Variants in TRIM23 observed in about 807,000 individuals in gnomAD.
TRIM23 encodes the protein E3 ubiquitin-protein ligase TRIM23.
In TRIM23, 27 loss-of-function variants were observed where a neutral mutation model predicts 71.0. The observed-to-expected ratio is 0.38, with a 90% confidence interval of 0.28 to 0.52. The LOEUF (loss-of-function observed/expected upper bound fraction) is 0.52. Among genes scored for constraint, TRIM23 ranks in the 20% least tolerant of loss-of-function variants. The probability of loss-of-function intolerance (pLI) is 0.84; values close to 1 mark genes in which losing one functional copy is unlikely to be tolerated. For missense variants in TRIM23, 482 were observed against 692.3 expected, an observed-to-expected ratio of 0.70 and a Z score of 3.41; for synonymous variants, 234 against 238.0, an observed-to-expected ratio of 0.98 and a Z score of 0.16.
intron 3 of TRIM23, among the ~76,000 whole-genome samples, chr5:65,613,443 A>G (rs1754702373): frequency 6.6e-6 from 1 of 152,208 alleles, no homozygotes; most frequent in African/African-American, 2.4e-5. Flanking sequence ...TCATTAACTG[A>G]TATTTACTCC....
intron 1 of TRIM23, among the ~76,000 whole-genome samples, chr5:65,621,638 G>C (rs1472953764): frequency 6.6e-6 from 1 of 151,832 alleles, no homozygotes; most frequent in African/African-American, 2.4e-5. Flanking sequence ...CATCAACTCG[G>C]TAAATAATAC....
Position 65,609,321 on chromosome 5 carries a change from C to T in TRIM23, c.966G>A (p.Arg322=). ...AAATAGTCATATCTTCTTGTTGCTG[C>T]CTGAGCCAAATCAATTTTTCACGAA... is the stretch of plus-strand genomic sequence containing the variant. ...AHVREKLIWL[R]QQQEDMTILL... Residue 322 remains arginine (R), a synonymous_variant, in exon 6 of 11, where the codon AGG becomes AGA. Coordinates refer to ENST00000231524, the MANE Select transcript of TRIM23 (RefSeq NM_001656.4). The T allele has an allele frequency of 1.9e-6, 3 of 1,614,150 alleles. No homozygotes were observed. Among genetic ancestry groups the T allele is most frequent in the Non-Finnish European group, 2.5e-6 (3 of 1,180,018 alleles).
chr5:65,614,459 G>A (rs550264022), intron 2 of TRIM23, among the ~76,000 whole-genome samples: 1 of 152,188 alleles, frequency 6.6e-6, no homozygotes, highest in East Asian at 1.9e-4. Context: ...TTTTGGCCAG[G>A]TGCTTTGGCC....
chr5:65,614,924 G>C (rs1754743202), intron 2 of TRIM23, among the ~76,000 whole-genome samples: 1 of 151,896 alleles, frequency 6.6e-6, no homozygotes, highest in South Asian at 2.1e-4. Context: ...TTGAGACAGA[G>C]TCTTGCTATG....
chr5:65,600,753 T>C (rs1463408693), intron 7 of TRIM23, among the ~76,000 whole-genome samples: 1 of 151,700 alleles, frequency 6.6e-6, no homozygotes, highest in Non-Finnish European at 1.5e-5. Context: ...ACAGATCTGA[T>C]AGGGAATTAA....
Position 65,624,053 on chromosome 5 carries a change from G to A in TRIM23, c.81+141C>T. On this transcript the variant is annotated intron_variant, in intron 1 of 10. Coordinates refer to ENST00000231524, the MANE Select transcript of TRIM23 (RefSeq NM_001656.4). ...AGGAGAGAAAGGATGCAGAGGACAGGACGAGACTTGTAATGCCAAAAGGGG... is the reference window on the plus strand; with the variant it reads ...AGGAGAGAAAGGATGCAGAGGACAGAACGAGACTTGTAATGCCAAAAGGGG... 4.6e-6 allele frequency: 4 copies of A among 879,036 alleles called. No homozygotes were observed. In the Middle Eastern group the frequency reaches 7.2e-4, roughly 157 times the overall value. 54.5% of individuals were successfully genotyped at this position (879,036 alleles called of 1,614,324 possible).
In TRIM23 at chr5:65,611,060, A is replaced by C; in HGVS notation, c.646-17T>G. On this transcript the variant is annotated splice_polypyrimidine_tract_variant and intron_variant, in intron 4 of 10. Transcript: ENST00000231524. ...TACTGAATGCTATAAAATGTACCAT[A>C]ATTAGAGAAAAGAACTCATAGTATT... 1 of 1,588,906 alleles carries C rather than the reference A, an allele frequency of 6.3e-7. No individual in the cohort carries two copies. The highest frequency in any genetic ancestry group is 8.5e-7 in the Non-Finnish European group (1 of 1,171,830).
chr5:65,614,963 T>G (rs1053376510), intron 2 of TRIM23, among the ~76,000 whole-genome samples: 1 of 152,122 alleles, frequency 6.6e-6, no homozygotes, highest in Non-Finnish European at 1.5e-5. Context: ...AGTAGCGTGA[T>G]CTCTGCTCAT....
chr5:65,605,434 G>A (rs960672680), intron 6 of TRIM23, among the ~76,000 whole-genome samples: 2 of 152,150 alleles, frequency 1.3e-5, no homozygotes, highest in African/African-American at 4.8e-5. Context: ...TTATCATGGT[G>A]GGAAAGGCAG....
intron 3 of TRIM23, among the ~76,000 whole-genome samples, chr5:65,613,293 CAG>C (rs1476303672): frequency 2.6e-5 from 4 of 152,246 alleles, no homozygotes; most frequent in Non-Finnish European, 4.4e-5. Context: ...TTTTAGAAAA[CAG>C]AGTGTTGCAG....
In TRIM23 at chr5:65,604,685, T is replaced by C. The variant is rs1754451628; in HGVS notation, c.1179+226A>G. ...TAAAAATATGGCACACTTCACAAAT[T>C]TGTGTGTCATCCTTGCACAGGGGCC... On this transcript the variant is annotated intron_variant, in intron 7 of 10. Coordinates refer to ENST00000231524, the MANE Select transcript of TRIM23 (RefSeq NM_001656.4). 1.3e-5 allele frequency: 5 copies of C among 382,872 alleles called. 1 individual carries two copies. The South Asian group carries it at 5.0e-4, about 38-fold the overall frequency. The allele number at this position is 382,872 out of a possible 1,614,324, so 23.7% of individuals were successfully genotyped here. A position where few individuals can be genotyped will look rare whatever the true frequency, so the allele number is the denominator to read the frequency against.
intron 1 of TRIM23, among the ~76,000 whole-genome samples, chr5:65,622,624 C>T (rs1265864788): frequency 6.6e-6 from 1 of 152,196 alleles, no homozygotes; most frequent in African/African-American, 2.4e-5. Context: ...TTCTTGCTTT[C>T]ATCTATAGAA....
At chr5:65,610,821 A>G (rs1379118744) in intron 5 of TRIM23, 40 bp downstream of exon 5, 1 of 1,508,800 alleles carries the variant, frequency 6.6e-7, no homozygotes, top group Non-Finnish European at 8.9e-7. Flanking sequence ...TATGAAAAAT[A>G]AAAAAGAATG....
rs2150616014 is a variant in TRIM23 at position 65,589,999 on chromosome 5, T to C, written c.*1770A>G. On this transcript the variant is annotated 3_prime_UTR_variant, in exon 11 of 11. Coordinates refer to ENST00000231524, the MANE Select transcript of TRIM23 (RefSeq NM_001656.4). ...CTTGAGAAAAATATTTCTTTAAAAA[T>C]GAATCACACACAAACACCTACCATT... 1 of 254,436 alleles carries C rather than the reference T, an allele frequency of 3.9e-6. No homozygotes were observed. The highest frequency in any genetic ancestry group is 7.7e-6 in the Non-Finnish European group (1 of 129,688). 15.8% of individuals were successfully genotyped at this position (254,436 alleles called of 1,614,324 possible). A position where few individuals can be genotyped will look rare whatever the true frequency, so the allele number is the denominator to read the frequency against.
chr5:65,592,977 CAT>C (rs1234037619), intron 10 of TRIM23, among the ~76,000 whole-genome samples: 1 of 152,130 alleles, frequency 6.6e-6, no homozygotes, highest in Non-Finnish European at 1.5e-5. Context: ...CATAAACATA[CAT>C]ACACAAAAGT....
At position 65,591,553 on chromosome 5, in the gene TRIM23, A is replaced by G; in HGVS notation, c.*216T>C. ...AAGAATGTATATTCAATAAGTTTCT[A>G]TTTAATTCAATCTAATCTGCTCAAT... On this transcript the variant is annotated 3_prime_UTR_variant, in exon 11 of 11. Transcript: ENST00000231524. 1 of 1,444,840 alleles carries G rather than the reference A, an allele frequency of 6.9e-7. No individual in the cohort carries two copies. The highest frequency in any genetic ancestry group is 9.2e-7 in the Non-Finnish European group (1 of 1,082,184). 89.5% of individuals were successfully genotyped at this position (1,444,840 alleles called of 1,614,324 possible). A position where few individuals can be genotyped will look rare whatever the true frequency, so the allele number is the denominator to read the frequency against.
intron 2 of TRIM23, among the ~76,000 whole-genome samples, chr5:65,617,466 C>CA (rs1244628689): frequency 1.3e-5 from 2 of 152,140 alleles, no homozygotes; most frequent in Non-Finnish European, 2.9e-5. Flanking sequence ...AGTAAACTTA[C>CA]AGAACTTACG....
In TRIM23 at chr5:65,609,311, C is replaced by G. The variant is rs1489179702; in HGVS notation, c.976G>C (p.Glu326Gln). 6.2e-7 allele frequency: 1 copy of G among 1,614,192 alleles called. No homozygotes were observed. Among genetic ancestry groups the G allele is most frequent in the South Asian group, 1.1e-5 (1 of 91,090 alleles). The change falls in exon 6 of 11, where the codon GAA (glutamate) becomes CAA (glutamine). Residue 326 changes from glutamate (E) to glutamine (Q), a missense_variant. Physicochemically the swap from Glu to Gln is conservative, Grantham distance 29. Transcript: ENST00000231524. ...TCTGACAACAAAATAGTCATATCTT[C>G]TTGTTGCTGCCTGAGCCAAATCAAT... ...EKLIWLRQQQ[E>Q]DMTILLSEVS...
At chr5:65,597,014 T>A in intron 8 of TRIM23, 37 bp downstream of exon 8, 1 of 1,608,214 alleles carries the variant, frequency 6.2e-7, no homozygotes, top group Non-Finnish European at 8.5e-7. Flanking sequence ...TAAGCTAGGG[T>A]TTGTCTATTA....
Sources: allele counts gnomAD v4.1 joint callset (sites outside exome capture counted in the v4.1 genomes callset), GRCh38; gene constraint gnomAD v4.1.1; transcripts MANE v1.5; gene names NCBI Gene and HGNC (gene_info 2026-07-23, HGNC 2026-07-21).